TRAPPC8: variants seen among roughly 807,000 people sequenced by gnomAD.
TRAPPC8 encodes trafficking protein particle complex subunit 8.
TRAPPC8 carries 54 observed loss-of-function variants against 174.3 expected under a neutral mutation model. The observed-to-expected ratio is 0.31, with a 90% CI of 0.25 to 0.39. TRAPPC8 has a LOEUF of 0.39. TRAPPC8 is among the 10% of genes least tolerant of loss of function. The pLI is 1.00. For missense variants in TRAPPC8, 1,531 were observed against 1,699.1 expected (o/e 0.90, Z 1.74); for synonymous variants, 630 against 579.9 (o/e 1.09, Z -1.24).
At chr18:31,889,530 CT>C (rs1221150628) in intron 12 of TRAPPC8, among the ~76,000 whole-genome samples, 1 of 152,126 alleles carries the variant, frequency 6.6e-6, no homozygotes, top group African/African-American at 2.4e-5. Context: ...GAACAGAAAC[CT>C]TTTAACCAGA....
intron 12 of TRAPPC8, among the ~76,000 whole-genome samples, chr18:31,885,842 A>G (rs1440595524): frequency 1.3e-5 from 2 of 151,408 alleles, no homozygotes; most frequent in Non-Finnish European, 2.9e-5. Flanking sequence ...CCTGGGCAAC[A>G]AGAGCAAAAC....
At chr18:31,845,202 A>T (rs549070298) in intron 26 of TRAPPC8, 6 of 151,404 alleles carry the variant, frequency 4.0e-5, no homozygotes, top group African/African-American at 1.4e-4. Context: ...ATAAATAAAT[A>T]AATAAAATAA....
rs2032956058 is a variant in TRAPPC8, at chr18:31,839,363, T to C, written c.3932A>G (p.Lys1311Arg). The C allele has an allele frequency of 6.2e-7, 1 of 1,612,042 alleles. No individual in the cohort carries two copies. Residue 1311 changes from lysine (K) to arginine (R), a missense_variant, in exon 27 of 29, where the codon AAA becomes AGA. Transcript: ENST00000283351. ...TGATTCTGGGTAGTGAAGACTCGTT[T>C]TAATGAGACTAGAAAGCTGCTCTAC... ...PSVEQLSSLI[K>R]TSLHYPESFN... is the part of the protein sequence containing the mutation.
chr18:31,889,528 A>G (rs1246958063), intron 12 of TRAPPC8, among the ~76,000 whole-genome samples: 1 of 152,160 alleles, frequency 6.6e-6, no homozygotes, highest in African/African-American at 2.4e-5. Flanking sequence ...TTGAACAGAA[A>G]CCTTTTAACC....
intron 7 of TRAPPC8, among the ~76,000 whole-genome samples, 161 bp downstream of exon 7, chr18:31,908,587 TCTTCTA>T (rs2036765755): frequency 1.8e-4 from 27 of 152,190 alleles, no homozygotes; most frequent in Admixed American, 1.7e-3. Context: ...TGAATAAGCC[TCTTCTA>T]GAGTTGAACA....
chr18:31,847,682 G>T (rs2033482568), intron 25 of TRAPPC8, among the ~76,000 whole-genome samples: 1 of 152,114 alleles, frequency 6.6e-6, no homozygotes, highest in Non-Finnish European at 1.5e-5. Flanking sequence ...GCAAAACCCA[G>T]AAAGGCAGGA....
intron 1 of TRAPPC8, among the ~76,000 whole-genome samples, chr18:31,941,812 G>A (rs1302667070): frequency 6.6e-6 from 1 of 152,120 alleles, no homozygotes; most frequent in Non-Finnish European, 1.5e-5. Context: ...TTGTTTGCAA[G>A]ATATTGGCTA....
At chr18:31,839,630 T>A (rs913275593) in intron 26 of TRAPPC8, among the ~76,000 whole-genome samples, 173 bp from the exon 27 acceptor site, 2 of 152,164 alleles carry the variant, frequency 1.3e-5, no homozygotes, top group African/African-American at 4.8e-5. Flanking sequence ...TAATCTAAGA[T>A]AAAAAAATCA....
intron 24 of TRAPPC8, among the ~76,000 whole-genome samples, chr18:31,850,822 A>C (rs922485737): frequency 2.0e-5 from 3 of 152,194 alleles, no homozygotes; most frequent in Non-Finnish European, 4.4e-5. Flanking sequence ...CAGTGCTCTT[A>C]CACTAAATTA....
intron 2 of TRAPPC8, among the ~76,000 whole-genome samples, chr18:31,926,889 G>A (rs1351567803): frequency 1.3e-5 from 2 of 152,078 alleles, no homozygotes; most frequent in Non-Finnish European, 2.9e-5. Flanking sequence ...CAGTAATTAA[G>A]CCAAATCCTT....
chr18:31,940,267 G>T (rs2038274126), intron 1 of TRAPPC8, among the ~76,000 whole-genome samples: 1 of 152,006 alleles, frequency 6.6e-6, no homozygotes, highest in African/African-American at 2.4e-5. Flanking sequence ...ACGAGGTCAG[G>T]AGTTCGAGAC....
chr18:31,846,848 G>A (rs759830463), intron 25 of TRAPPC8, 31 bp from the exon 26 acceptor site: 16 of 1,527,904 alleles, frequency 1.0e-5, no homozygotes, highest in South Asian at 9.2e-5. Flanking sequence ...AAACGTTACC[G>A]TGCTTGACAG....
At chr18:31,845,261 T>C (rs929391776) in intron 26 of TRAPPC8, 1 of 151,292 alleles carries the variant, frequency 6.6e-6, no homozygotes, top group Non-Finnish European at 1.5e-5. Context: ...GATCAACAAA[T>C]AAAGGCTAAG....
chr18:31,917,445 G>A lies in TRAPPC8; in HGVS notation c.442+133C>T, dbSNP rs1484430265. ...CCATTTAACAAAATAACAAGACTCC[G>A]TGTATTGTCAATCTATAAAAAATAA... On this transcript the variant is annotated intron_variant, in intron 3 of 28. Transcript: ENST00000283351. 7 of 743,326 alleles carry A rather than the reference G, an allele frequency of 9.4e-6. No individual in the cohort carries two copies. In the Admixed American group the frequency reaches 1.0e-4, roughly 11 times the overall value. The allele number at this position is 743,326 out of a possible 1,614,324, so 46.0% of individuals were successfully genotyped here.
chr18:31,909,086 G>GAAAAA, intron 6 of TRAPPC8, 76 bp from the exon 7 acceptor site: 1 of 958,694 alleles, frequency 1.0e-6, no homozygotes, highest in Non-Finnish European at 1.4e-6. Flanking sequence ...TACTGCTAAA[G>GAAAAA]AAAAAAAAAA....
chr18:31,938,703 CCTCT>C (rs1324146814), intron 1 of TRAPPC8, among the ~76,000 whole-genome samples: 12 of 152,086 alleles, frequency 7.9e-5, no homozygotes, highest in Non-Finnish European at 1.3e-4. Context: ...ATTTTTTCTC[CCTCT>C]AAGGAAATGT....
intron 10 of TRAPPC8, 52 bp downstream of exon 10, chr18:31,900,872 AG>A: frequency 5.8e-5 from 80 of 1,383,438 alleles, no homozygotes; most frequent in Admixed American, 2.7e-4. Context: ...AAAAAAAAAA[AG>A]AACAAACTGA....
rs1311788151 is a variant in TRAPPC8 at position 31,897,854 on chromosome 18, C to T, written c.1528G>A (p.Ala510Thr). The change falls in exon 11 of 29, where the codon GCT (alanine) becomes ACT (threonine). Residue 510 changes from alanine to threonine, a missense_variant. By Grantham distance (58) the Ala-to-Thr change is moderately conservative (BLOSUM62 0). Coordinates refer to ENST00000283351, the MANE Select transcript of TRAPPC8 (RefSeq NM_014939.5). ...TTGCTTTGGCTTTTTAAAAGTTCAG[C>T]ACTAAGCAACACACATCTTTCAGCC... ...VLAERCVLLS[A>T]ELLKSQSKYS... 1 of 1,611,396 alleles carries T rather than the reference C, an allele frequency of 6.2e-7. No homozygotes were observed. The highest frequency in any genetic ancestry group is 8.5e-7 in the Non-Finnish European group (1 of 1,178,384).
chr18:31,866,979 T>C lies in TRAPPC8; in HGVS notation c.2464-4A>G. The C allele has an allele frequency of 6.2e-7, 1 of 1,612,684 alleles. No homozygotes were observed. Among genetic ancestry groups the C allele is most frequent in the Admixed American group, 1.7e-5 (1 of 59,850 alleles). On this transcript the variant is annotated splice_polypyrimidine_tract_variant and splice_region_variant and intron_variant, in intron 17 of 28. Coordinates refer to ENST00000283351, the MANE Select transcript of TRAPPC8 (RefSeq NM_014939.5). ...GGGGAAAGAGCTTTAGTCTTGCCTG[T>C]GGAGATATTTAAGTCAGTCTTATTA...
Sources: gnomAD v4.1 joint callset for allele counts (sites outside exome capture counted in the v4.1 genomes callset) on GRCh38, gnomAD v4.1.1 for gene constraint, MANE v1.5 for transcripts, NCBI Gene and HGNC (gene_info 2026-07-23, HGNC 2026-07-21) for gene names.